PPP4R4: variants seen among roughly 807,000 people sequenced by gnomAD.
PPP4R4 encodes protein phosphatase 4 regulatory subunit 4.
PPP4R4 carries 70 observed loss-of-function variants against 121.8 expected under a neutral mutation model. The observed-to-expected ratio is 0.57, with a 90% CI of 0.47 to 0.70. The LOEUF is 0.70. Ranked by LOEUF, PPP4R4 falls within the 30% of genes least tolerant of loss-of-function variation. The pLI, the probability that PPP4R4 is intolerant of heterozygous loss-of-function variation, is 0.00. For missense variants in PPP4R4, 875 were observed against 1,033.6 expected, an observed-to-expected ratio of 0.85 and a Z score of 2.10; for synonymous variants, 348 against 355.7, an observed-to-expected ratio of 0.98 and a Z score of 0.24.
intron 2 of PPP4R4, among the ~76,000 whole-genome samples, chr14:94,180,119 A>C (rs1025729443): frequency 2.6e-5 from 4 of 152,182 alleles, no homozygotes; most frequent in Non-Finnish European, 5.9e-5. Flanking sequence ...GGCACATAAT[A>C]GGCATCCCGT....
intron 3 of PPP4R4, among the ~76,000 whole-genome samples, chr14:94,221,393 A>G (rs1304707276): frequency 6.6e-6 from 1 of 152,138 alleles, no homozygotes; most frequent in African/African-American, 2.4e-5. Flanking sequence ...AGAAGACACT[A>G]TTAAGTGAAT....
At chr14:94,276,960 A>G (rs957667141) in intron 24 of PPP4R4, among the ~76,000 whole-genome samples, 19 of 152,202 alleles carry the variant, frequency 1.2e-4, no homozygotes, top group African/African-American at 4.1e-4. Flanking sequence ...CTCTTTAGCT[A>G]TACAATTATT....
chr14:94,178,049 C>T (rs1206452019), intron 2 of PPP4R4, among the ~76,000 whole-genome samples: 1 of 152,128 alleles, frequency 6.6e-6, no homozygotes. Flanking sequence ...TGTGGGATTT[C>T]ACCTTAGTCC....
chr14:94,260,968 A>G (rs1893756629), intron 19 of PPP4R4, among the ~76,000 whole-genome samples: 1 of 152,000 alleles, frequency 6.6e-6, no homozygotes, highest in Non-Finnish European at 1.5e-5. Flanking sequence ...ATCCATTTCA[A>G]GTACATTTTT....
At chr14:94,214,063 C>G (rs1347198499) in intron 3 of PPP4R4, among the ~76,000 whole-genome samples, 1 of 152,112 alleles carries the variant, frequency 6.6e-6, no homozygotes, top group African/African-American at 2.4e-5. Context: ...ACTATACCCC[C>G]GGAACCTAGA....
intron 2 of PPP4R4, among the ~76,000 whole-genome samples, chr14:94,199,091 T>TTGAATC (rs2139424259): frequency 6.6e-6 from 1 of 152,358 alleles, no homozygotes; most frequent in Non-Finnish European, 1.5e-5. Flanking sequence ...GGGGATCATA[T>TTGAATC]TGAATCTGTC....
chr14:94,261,074 G>A (rs535149384), intron 19 of PPP4R4, among the ~76,000 whole-genome samples: 7 of 151,972 alleles, frequency 4.6e-5, no homozygotes, highest in African/African-American at 4.8e-5. Flanking sequence ...TTGTCTTAGC[G>A]TCCTTAAGAA....
At chr14:94,185,368 A>G (rs1405656855) in intron 2 of PPP4R4, among the ~76,000 whole-genome samples, 3 of 152,016 alleles carry the variant, frequency 2.0e-5, no homozygotes, top group African/African-American at 7.2e-5. Context: ...ATTATCCAGG[A>G]ATGGTGGCTT....
At chr14:94,210,543 A>G (rs1195523792) in intron 3 of PPP4R4, among the ~76,000 whole-genome samples, 2 of 152,140 alleles carry the variant, frequency 1.3e-5, no homozygotes, top group Non-Finnish European at 2.9e-5. Flanking sequence ...TTATATGTGA[A>G]TGATTTCACT....
At chr14:94,208,011 A>G (rs929797515) in intron 2 of PPP4R4, among the ~76,000 whole-genome samples, 9 of 151,920 alleles carry the variant, frequency 5.9e-5, no homozygotes, top group African/African-American at 2.2e-4. Flanking sequence ...CTGTACCAAG[A>G]GAAAGTTGTA....
intron 3 of PPP4R4, among the ~76,000 whole-genome samples, chr14:94,209,735 A>C (rs547529288): frequency 7.2e-5 from 11 of 152,250 alleles, no homozygotes; most frequent in Admixed American, 5.2e-4. Context: ...GTGCCAGTTA[A>C]ACAATAGCAG....
chr14:94,233,863 T>G lies in PPP4R4; in HGVS notation c.623+104T>G, dbSNP rs909731961. On this transcript the variant is annotated intron_variant, in intron 6 of 24. Transcript: ENST00000304338. The stretch of plus-strand genomic sequence containing the variant: ...GTGTTATTTCATACTGCATACAAAT[T>G]TAGTTATCTTAACTATTTTAACTTT... 4 of 753,470 alleles carry G rather than the reference T, an allele frequency of 5.3e-6. No homozygotes were observed. The African/African-American group carries it at 5.6e-5, about 11-fold the overall frequency. 46.7% of individuals were successfully genotyped at this position (753,470 alleles called of 1,614,324 possible).
intron 9 of PPP4R4, among the ~76,000 whole-genome samples, chr14:94,241,488 G>A (rs1892631572): frequency 6.6e-6 from 1 of 151,964 alleles, no homozygotes; most frequent in South Asian, 2.1e-4. Flanking sequence ...GTTACTATTA[G>A]TGACTTTTTA....
intron 2 of PPP4R4, among the ~76,000 whole-genome samples, chr14:94,177,126 C>A (rs1049325930): frequency 6.6e-6 from 1 of 151,778 alleles, no homozygotes; most frequent in African/African-American, 2.4e-5. Context: ...ACTTTTTTAG[C>A]CTTCTAAAAG....
chr14:94,174,479 C>T lies in PPP4R4; in HGVS notation c.14C>T (p.Pro5Leu), dbSNP rs138237845. 257 of 1,604,656 alleles carry T rather than the reference C, an allele frequency of 1.6e-4. No homozygotes were observed. The African/African-American group carries it at 2.1e-3, about 13-fold the overall frequency. Residue 5 changes from proline to leucine, a missense_variant, in exon 1 of 25, where the codon CCG becomes CTG. Coordinates refer to ENST00000304338, the MANE Select transcript of PPP4R4 (RefSeq NM_058237.2). Reference sequence around the variant, plus strand: ...GCCCGGCGGTCCATGCATCCGCCGCCGCCCGCCGCCGCGATGGATTTCAGT... The same window carrying T: ...GCCCGGCGGTCCATGCATCCGCCGCTGCCCGCCGCCGCGATGGATTTCAGT... MHPPPPAAAMDFSQN... is the reference protein window; with the variant it reads MHPPLPAAAMDFSQN...
intron 13 of PPP4R4, 48 bp downstream of exon 13, chr14:94,245,718 T>C (rs373725990): frequency 6.6e-6 from 9 of 1,354,284 alleles, no homozygotes; most frequent in East Asian, 2.3e-5. Flanking sequence ...AATATTATCC[T>C]ACTCTACAGG....
At chr14:94,212,634 C>A (rs1890802950) in intron 3 of PPP4R4, among the ~76,000 whole-genome samples, 1 of 152,072 alleles carries the variant, frequency 6.6e-6, no homozygotes, top group Non-Finnish European at 1.5e-5. Context: ...CCTAGGGTAT[C>A]TATTGAATAA....
intron 3 of PPP4R4, among the ~76,000 whole-genome samples, chr14:94,223,209 T>C (rs1305506796): frequency 6.6e-6 from 1 of 152,250 alleles, no homozygotes; most frequent in Non-Finnish European, 1.5e-5. Flanking sequence ...GTATTGTTTC[T>C]GCTTATTATC....
chr14:94,212,644 A>ATTTTTT (rs34736094), intron 3 of PPP4R4, among the ~76,000 whole-genome samples: 3 of 151,974 alleles, frequency 2.0e-5, no homozygotes, highest in African/African-American at 7.2e-5. Context: ...CTATTGAATA[A>ATTTTTT]TTTTTTTCCT....
Sources: gnomAD v4.1 joint callset for allele counts (sites outside exome capture counted in the v4.1 genomes callset) on GRCh38, gnomAD v4.1.1 for gene constraint, MANE v1.5 for transcripts, NCBI Gene and HGNC (gene_info 2026-07-23, HGNC 2026-07-21) for gene names.